Variants in DYSF observed in about 807,000 individuals in gnomAD.
The protein encoded by DYSF is dystrophy-associated fer-1-like 1.
A neutral mutation model predicts 274.9 loss-of-function variants in DYSF; 212 were observed. That is an observed-to-expected ratio of 0.77 (90% CI 0.69 to 0.86). The LOEUF (loss-of-function observed/expected upper bound fraction) is 0.86. Ranked by LOEUF, DYSF falls within the 40% of genes least tolerant of loss-of-function variation. The probability of loss-of-function intolerance (pLI) is 0.00; values close to 1 mark genes in which losing one functional copy is unlikely to be tolerated. For missense variants in DYSF, 2,666 were observed against 2,783.2 expected (o/e 0.96, Z 0.95); for synonymous variants, 1,091 against 1,078.7 (o/e 1.01, Z -0.22).
intron 40 of DYSF, among the ~76,000 whole-genome samples, chr2:71,618,109 G>A (rs1388752829): frequency 8.7e-5 from 10 of 114,664 alleles, no homozygotes; most frequent in East Asian, 3.2e-4. Context: ...TGTGGTAGAG[G>A]TGGGGTGTGT....
At position 71,568,068 on chromosome 2, in the gene DYSF, G is replaced by C; in HGVS notation, c.2683G>C (p.Val895Leu). The C allele has an allele frequency of 6.2e-7, 1 of 1,614,224 alleles. No homozygotes were observed. Among genetic ancestry groups the C allele is most frequent in the Non-Finnish European group, 8.5e-7 (1 of 1,180,034 alleles). The change falls in exon 25 of 56, where the codon GTC (valine) becomes CTC (leucine). Residue 895 changes from valine to leucine, a missense_variant. This residue lies in a region of DYSF where 412 missense variants were observed against 504.0 expected (regional missense o/e 0.82). Transcript: ENST00000410020. Reference sequence around the variant, plus strand: ...CCAGTTTGCTGAGGGGAAGCTGTCTGTCTTTGCTGAAACCGTGAGTACCTG... The same window carrying C: ...CCAGTTTGCTGAGGGGAAGCTGTCTCTCTTTGCTGAAACCGTGAGTACCTG... ...FNQFAEGKLS[V>L]FAETYENETK...
intron 1 of DYSF, among the ~76,000 whole-genome samples, chr2:71,480,590 TAAA>T (rs557848125): frequency 3.9e-4 from 59 of 152,194 alleles, no homozygotes; most frequent in African/African-American, 1.4e-3. Context: ...AATTTATAAT[TAAA>T]AAAATTATTT....
chr2:71,651,130 G>T (rs1411193856), intron 42 of DYSF, among the ~76,000 whole-genome samples: 1 of 151,560 alleles, frequency 6.6e-6, no homozygotes, highest in Non-Finnish European at 1.5e-5. Context: ...CAAGAAGCTA[G>T]AATAATGATA....
In DYSF at chr2:71,680,917, C is replaced by CT. The variant is rs2095288162; in HGVS notation, c.6064-82dup. On this transcript the variant is annotated intron_variant, in intron 53 of 55. Transcript: ENST00000410020. Reference sequence around the variant, plus strand: ...TTTTTTTTTAAATAATGAAGTGGCCCTTATGTTTTTTCTGGCCTGGTTACT... The same window carrying CT: ...TTTTTTTTTAAATAATGAAGTGGCCCTTTATGTTTTTTCTGGCCTGGTTACT... The CT allele has an allele frequency of 1.1e-5, 12 of 1,105,916 alleles. No individual in the cohort carries two copies. In the Admixed American group the frequency reaches 2.1e-4, roughly 19 times the overall value. 68.5% of individuals were successfully genotyped at this position (1,105,916 alleles called of 1,614,324 possible).
At chr2:71,612,202 A>G (rs1181986453) in intron 38 of DYSF, among the ~76,000 whole-genome samples, 1 of 152,220 alleles carries the variant, frequency 6.6e-6, no homozygotes, top group African/African-American at 2.4e-5. Flanking sequence ...CCGCCCCTGA[A>G]GGAGAGCATA....
intron 41 of DYSF, among the ~76,000 whole-genome samples, chr2:71,628,927 G>T: frequency 6.6e-6 from 1 of 151,854 alleles, no homozygotes; most frequent in East Asian, 1.9e-4. Context: ...ACTCTAGCCT[G>T]GCCCACAGAG....
intron 41 of DYSF, among the ~76,000 whole-genome samples, chr2:71,636,653 G>C (rs1054659515): frequency 1.3e-5 from 2 of 152,152 alleles, no homozygotes; most frequent in Non-Finnish European, 2.9e-5. Context: ...TGGGCAGCTG[G>C]AGTCCAGGGA....
chr2:71,535,404 G>A, intron 16 of DYSF, 93 bp downstream of exon 16: 1 of 1,309,438 alleles, frequency 7.6e-7, no homozygotes, highest in Non-Finnish European at 1.1e-6. Context: ...GGTAGTAAGA[G>A]TGTGAGGGAG....
intron 41 of DYSF, among the ~76,000 whole-genome samples, chr2:71,635,964 A>G (rs2094395911): frequency 6.6e-6 from 1 of 152,040 alleles, no homozygotes; most frequent in Non-Finnish European, 1.5e-5. Context: ...TGAGGGTGAG[A>G]CTGAGGCTGC....
At chr2:71,454,215 G>GCAACACTCAACGTC in intron 1 of DYSF, 3 of 927,870 alleles carry the variant, frequency 3.2e-6, no homozygotes, top group Non-Finnish European at 5.1e-6. Flanking sequence ...GACTGACGTT[G>GCAACACTCAACGTC]AGTGTTGCAA....
intron 14 of DYSF, among the ~76,000 whole-genome samples, chr2:71,532,764 G>T (rs1453370023): frequency 6.6e-6 from 1 of 151,966 alleles, no homozygotes; most frequent in Non-Finnish European, 1.5e-5. Context: ...TGCTCAGCTG[G>T]GTCTTGTTAA....
chr2:71,577,997 C>T (rs559689866), intron 30 of DYSF, among the ~76,000 whole-genome samples: 22 of 152,330 alleles, frequency 1.4e-4, no homozygotes, highest in African/African-American at 5.3e-4. Context: ...ACGGGTCACT[C>T]ATGCCATTAG....
At chr2:71,469,586 T>C (rs1227267346) in intron 1 of DYSF, among the ~76,000 whole-genome samples, 1 of 152,262 alleles carries the variant, frequency 6.6e-6, no homozygotes, top group Non-Finnish European at 1.5e-5. Context: ...GGCCCCACTT[T>C]CCTTGCAGTT....
At chr2:71,602,723 C>T in intron 35 of DYSF, 53 bp from the exon 36 acceptor site, 3 of 1,598,154 alleles carry the variant, frequency 1.9e-6, no homozygotes, top group Non-Finnish European at 1.7e-6. Context: ...TTTTCCCCTT[C>T]CAACCCCTCT....
intron 32 of DYSF, among the ~76,000 whole-genome samples, chr2:71,593,771 G>C (rs562477593): frequency 6.6e-6 from 1 of 152,320 alleles, no homozygotes; most frequent in East Asian, 1.9e-4. Context: ...TGCCCGCCCA[G>C]ATGGAGGACC....
intron 41 of DYSF, among the ~76,000 whole-genome samples, 163 bp downstream of exon 41, chr2:71,620,772 G>A (rs1050207566): frequency 2.0e-5 from 3 of 152,114 alleles, no homozygotes; most frequent in African/African-American, 7.2e-5. Flanking sequence ...GAAAAGGAGG[G>A]GTGAGAGAAA....
chr2:71,666,920 C>T (rs2095024065), intron 47 of DYSF, among the ~76,000 whole-genome samples: 1 of 152,178 alleles, frequency 6.6e-6, no homozygotes, highest in Admixed American at 6.5e-5. Context: ...GAAGTGTTTG[C>T]TGTTATTGCT....
intron 16 of DYSF, among the ~76,000 whole-genome samples, chr2:71,537,955 G>A (rs146281264): frequency 8.5e-5 from 13 of 152,182 alleles, no homozygotes; most frequent in Admixed American, 3.3e-4. Flanking sequence ...ATTGGCATTT[G>A]GGGCTGGAAT....
chr2:71,570,593 C>T lies in DYSF; in HGVS notation c.3086-6C>T, dbSNP rs757637627. On this transcript the variant is annotated splice_region_variant and splice_polypyrimidine_tract_variant and intron_variant, in intron 28 of 55. Coordinates refer to ENST00000410020, the MANE Select transcript of DYSF (RefSeq NM_001130987.2). ...AGCAATGAGTGACCGGTTCCCCCTCCCCCAGGCTGGGAGTATAGCATCACC... is the reference window on the plus strand; with the variant it reads ...AGCAATGAGTGACCGGTTCCCCCTCTCCCAGGCTGGGAGTATAGCATCACC... 6.2e-7 allele frequency: 1 copy of T among 1,613,446 alleles called. No individual in the cohort carries two copies. Among genetic ancestry groups the T allele is most frequent in the East Asian group, 2.2e-5 (1 of 44,844 alleles).
Sources: allele counts gnomAD v4.1 joint callset (sites outside exome capture counted in the v4.1 genomes callset), GRCh38; gene constraint gnomAD v4.1.1; regional missense constraint gnomAD v4.1.1; transcripts MANE v1.5; gene names NCBI Gene and HGNC (gene_info 2026-07-23, HGNC 2026-07-21).